SLC4A4: variants seen among roughly 807,000 people sequenced by gnomAD.
The protein encoded by SLC4A4 is electrogenic sodium bicarbonate cotransporter 1.
SLC4A4 carries 27 observed loss-of-function variants against 111.5 expected under a neutral mutation model. That is an observed-to-expected ratio of 0.24 (90% confidence interval 0.18 to 0.33). The LOEUF (loss-of-function observed/expected upper bound fraction) is 0.33, where lower values mean the gene tolerates loss of function less well. Ranked by LOEUF, SLC4A4 falls within the 10% of genes least tolerant of loss-of-function variation. SLC4A4 has a pLI of 1.00. For missense variants in SLC4A4, 909 were observed against 1,315.5 expected, an observed-to-expected ratio of 0.69 and a Z score of 4.78; for synonymous variants, 443 against 463.4, an observed-to-expected ratio of 0.96 and a Z score of 0.57.
intron 3 of SLC4A4, among the ~76,000 whole-genome samples, chr4:71,301,570 C>T (rs1725262618): frequency 6.6e-6 from 1 of 152,184 alleles, no homozygotes; most frequent in Non-Finnish European, 1.5e-5. Context: ...CCTGCAGGCC[C>T]CAGCTCCTTA....
chr4:71,387,465 AT>A (rs1395431683), intron 6 of SLC4A4, among the ~76,000 whole-genome samples: 1 of 152,122 alleles, frequency 6.6e-6, no homozygotes, highest in Non-Finnish European at 1.5e-5. Flanking sequence ...TAAGTTTACC[AT>A]TTTGAAGTGG....
chr4:71,272,379 G>C (rs558374638), intron 3 of SLC4A4, among the ~76,000 whole-genome samples: 1 of 152,242 alleles, frequency 6.6e-6, no homozygotes, highest in East Asian at 1.9e-4. Flanking sequence ...CCATTTTGTA[G>C]ATAAGGAAAG....
chr4:71,519,018 T>C (rs1732671098), intron 16 of SLC4A4, among the ~76,000 whole-genome samples: 1 of 152,146 alleles, frequency 6.6e-6, no homozygotes, highest in African/African-American at 2.4e-5. Context: ...TTGCCTGAGG[T>C]TGAAGAAGGG....
At chr4:71,173,329 T>C (rs1454687443) in intron 2 of SLC4A4, among the ~76,000 whole-genome samples, 1 of 152,206 alleles carries the variant, frequency 6.6e-6, no homozygotes, top group Non-Finnish European at 1.5e-5. Flanking sequence ...GTAGATGTAA[T>C]TTAGGTGTTC....
At chr4:71,369,125 C>G (rs1016798401) in intron 6 of SLC4A4, among the ~76,000 whole-genome samples, 7 of 151,762 alleles carry the variant, frequency 4.6e-5, no homozygotes, top group Non-Finnish European at 8.8e-5. Context: ...GCACTCCCAG[C>G]GTGGGATGGC....
intron 7 of SLC4A4, among the ~76,000 whole-genome samples, chr4:71,428,461 G>T (rs1453120468): frequency 6.6e-6 from 1 of 152,028 alleles, no homozygotes; most frequent in Non-Finnish European, 1.5e-5. Context: ...GGACTGTTAT[G>T]GGCCAACTGG....
Position 71,472,924 on chromosome 4 carries a change from G to A in SLC4A4, c.1857G>A (p.Val619=). The change falls in exon 14 of 26, where the codon GTG becomes GTA. Residue 619 remains valine, a synonymous_variant. Coordinates refer to ENST00000264485, the MANE Select transcript of SLC4A4 (RefSeq NM_001098484.3). ...DYYPINSNFK[V]GYNTLFSCTC... ...ACCCCATCAACTCCAACTTCAAAGTGGGCTACAACACTCTCTTTTCCTGTA... is the reference window on the plus strand; with the variant it reads ...ACCCCATCAACTCCAACTTCAAAGTAGGCTACAACACTCTCTTTTCCTGTA... 1 of 1,612,954 alleles carries A rather than the reference G, an allele frequency of 6.2e-7. No homozygotes were observed. The highest frequency in any genetic ancestry group is 8.5e-7 in the Non-Finnish European group (1 of 1,179,376).
intron 16 of SLC4A4, among the ~76,000 whole-genome samples, chr4:71,503,305 C>T (rs1280023381): frequency 1.3e-5 from 2 of 150,010 alleles, no homozygotes; most frequent in Non-Finnish European, 3.0e-5. Flanking sequence ...ATTTCATTTA[C>T]ATTCAAGGAT....
intron 7 of SLC4A4, among the ~76,000 whole-genome samples, chr4:71,421,618 G>T (rs1722519143): frequency 6.6e-6 from 1 of 152,126 alleles, no homozygotes. Flanking sequence ...TTAAAGAACA[G>T]AAATTATAAC....
chr4:71,332,090 G>A (rs1211002007), intron 3 of SLC4A4, among the ~76,000 whole-genome samples: 1 of 152,026 alleles, frequency 6.6e-6, no homozygotes, highest in Non-Finnish European at 1.5e-5. Context: ...CTAAAGGTTT[G>A]TCATTTTTGT....
At chr4:71,430,747 T>A (rs1191346892) in intron 7 of SLC4A4, among the ~76,000 whole-genome samples, 1 of 152,140 alleles carries the variant, frequency 6.6e-6, no homozygotes, top group Admixed American at 6.5e-5. Context: ...GACCTCACCC[T>A]TTCCTGGTGT....
chr4:71,433,786 G>A (rs1723860554), intron 7 of SLC4A4, among the ~76,000 whole-genome samples: 1 of 152,010 alleles, frequency 6.6e-6, no homozygotes, highest in Non-Finnish European at 1.5e-5. Flanking sequence ...AAATATTGAG[G>A]TCATAAGGAA....
At chr4:71,215,549 C>G (rs1718376958) in intron 1 of SLC4A4, among the ~76,000 whole-genome samples, 3 of 152,176 alleles carry the variant, frequency 2.0e-5, no homozygotes, top group Admixed American at 6.5e-5. Flanking sequence ...TCAAATGAAC[C>G]CTGTGCCAGG....
chr4:71,317,698 A>C (rs944130380), intron 3 of SLC4A4, among the ~76,000 whole-genome samples: 8 of 152,084 alleles, frequency 5.3e-5, no homozygotes, highest in Admixed American at 2.0e-4. Flanking sequence ...ATGTTCACAA[A>C]TACAGTAGAA....
At chr4:71,458,641 T>C (rs569442787) in intron 12 of SLC4A4, among the ~76,000 whole-genome samples, 93 of 152,210 alleles carry the variant, frequency 6.1e-4, no homozygotes, top group Non-Finnish European at 8.8e-4. Context: ...TTTGAGACTT[T>C]ATTTTAACAT....
intron 22 of SLC4A4, 144 bp from the exon 23 acceptor site, chr4:71,559,943 ATAAGTC>A: frequency 1.5e-6 from 1 of 649,132 alleles, no homozygotes; most frequent in Non-Finnish European, 2.8e-6. Flanking sequence ...TTCACTCGGT[ATAAGTC>A]CATACCGTCA....
intron 16 of SLC4A4, among the ~76,000 whole-genome samples, chr4:71,518,957 GT>G (rs1732666973): frequency 6.6e-6 from 1 of 152,176 alleles, no homozygotes; most frequent in South Asian, 2.1e-4. Flanking sequence ...GCAAAGACTG[GT>G]ACTCATTTCC....
intron 1 of SLC4A4, among the ~76,000 whole-genome samples, chr4:71,088,481 T>G (rs1461428429): frequency 6.6e-6 from 1 of 152,126 alleles, no homozygotes; most frequent in Non-Finnish European, 1.5e-5. Flanking sequence ...CGTTAGTTGA[T>G]GCAGTTTCTT....
chr4:71,179,487 G>A (rs556226736), intron 2 of SLC4A4, among the ~76,000 whole-genome samples: 29 of 152,238 alleles, frequency 1.9e-4, no homozygotes, highest in Admixed American at 9.8e-4. Context: ...TCCTTAAGCC[G>A]ATAAGCAACT....
Sources: allele counts gnomAD v4.1 joint callset (sites outside exome capture counted in the v4.1 genomes callset), GRCh38; gene constraint gnomAD v4.1.1; transcripts MANE v1.5; gene names NCBI Gene and HGNC (gene_info 2026-07-23, HGNC 2026-07-21).